Variants in PPARGC1A observed in about 807,000 individuals in gnomAD.
PPARGC1A encodes peroxisome proliferator-activated receptor gamma coactivator 1-alpha.
PPARGC1A carries 25 observed loss-of-function variants against 88.7 expected under a neutral mutation model. That is an observed-to-expected ratio of 0.28 (90% confidence interval 0.21 to 0.39). The LOEUF is 0.39. PPARGC1A is among the 10% of genes least tolerant of loss of function. The probability of loss-of-function intolerance (pLI) is 1.00; values close to 1 mark genes in which losing one functional copy is unlikely to be tolerated. For synonymous variants in PPARGC1A, 363 were observed against 355.6 expected (o/e 1.02, Z -0.24); for missense variants, 880 against 968.7 (o/e 0.91, Z 1.22).
At chr4:24,433,056 T>C in the PPARGC1A span, among the ~76,000 whole-genome samples, 1 of 152,234 alleles carries the variant, frequency 6.6e-6, no homozygotes, top group Non-Finnish European at 1.5e-5. Flanking sequence ...CCGACTCTAA[T>C]GCCTTAGAGA....
At chr4:24,095,113 G>A in the PPARGC1A span, among the ~76,000 whole-genome samples, 2 of 118,068 alleles carry the variant, frequency 1.7e-5, no homozygotes, top group South Asian at 5.2e-4. Flanking sequence ...TAGAAATAGG[G>A]TCTTTTTTTT....
chr4:24,008,124 C>T, the PPARGC1A span, among the ~76,000 whole-genome samples: 33 of 152,120 alleles, frequency 2.2e-4, no homozygotes, highest in African/African-American at 7.7e-4. Flanking sequence ...GAGAACACAG[C>T]CCACACGGTC....
chr4:23,859,034 TATAA>T (rs1730724905), intron 2 of PPARGC1A, among the ~76,000 whole-genome samples: 1 of 150,802 alleles, frequency 6.6e-6, no homozygotes, highest in African/African-American at 2.4e-5. Context: ...TAAATAAGTT[TATAA>T]ATATAAATTA....
the PPARGC1A span, among the ~76,000 whole-genome samples, chr4:24,126,748 C>G: frequency 6.6e-6 from 1 of 152,176 alleles, no homozygotes; most frequent in Non-Finnish European, 1.5e-5. Flanking sequence ...TTCCCAAGGG[C>G]GGCATGCTAG....
At chr4:24,349,348 G>A in the PPARGC1A span, among the ~76,000 whole-genome samples, 953 of 152,268 alleles carry the variant, frequency 6.3e-3, 19 homozygotes, top group African/African-American at 0.021. Flanking sequence ...AGCAGTGGGC[G>A]GGGCCCTAGA....
chr4:23,945,088 A>G, the PPARGC1A span, among the ~76,000 whole-genome samples: 1 of 152,144 alleles, frequency 6.6e-6, no homozygotes, highest in African/African-American at 2.4e-5. Flanking sequence ...AGCCCATAGA[A>G]TAGTGCCAGG....
the PPARGC1A span, among the ~76,000 whole-genome samples, chr4:24,031,627 T>C: frequency 6.6e-6 from 1 of 152,178 alleles, no homozygotes; most frequent in East Asian, 1.9e-4. Context: ...TTCTTCGTTG[T>C]CTGTCCTACA....
At chr4:24,001,504 T>C in the PPARGC1A span, among the ~76,000 whole-genome samples, 2 of 152,262 alleles carry the variant, frequency 1.3e-5, no homozygotes, top group Admixed American at 6.5e-5. Context: ...TGTAAAAACA[T>C]AGCAACAATT....
At chr4:24,180,054 T>C in the PPARGC1A span, among the ~76,000 whole-genome samples, 1 of 152,176 alleles carries the variant, frequency 6.6e-6, no homozygotes, top group Admixed American at 6.6e-5. Flanking sequence ...AACTTCTTCC[T>C]GCAATGAATG....
the PPARGC1A span, among the ~76,000 whole-genome samples, chr4:24,223,797 A>C: frequency 6.6e-6 from 1 of 152,246 alleles, no homozygotes; most frequent in Admixed American, 6.5e-5. Context: ...TATATAATTT[A>C]GGGCTAAAGT....
At chr4:23,861,682 A>T (rs928896922) in intron 2 of PPARGC1A, among the ~76,000 whole-genome samples, 1 of 152,226 alleles carries the variant, frequency 6.6e-6, no homozygotes, top group Admixed American at 6.5e-5. Flanking sequence ...AAACAAAAAA[A>T]AGGCAAAATA....
the PPARGC1A span, among the ~76,000 whole-genome samples, chr4:24,135,974 C>A: frequency 6.6e-6 from 1 of 152,148 alleles, no homozygotes. Context: ...ATGACTCGAT[C>A]CAGGAGGGGA....
At chr4:23,836,353 G>A (rs889446737) in intron 2 of PPARGC1A, among the ~76,000 whole-genome samples, 5 of 152,138 alleles carry the variant, frequency 3.3e-5, no homozygotes, top group African/African-American at 1.2e-4. Flanking sequence ...GTCAACCTTG[G>A]GTTCTCCTTA....
chr4:23,897,816 A>G (rs1050875412), intron 1 of PPARGC1A, among the ~76,000 whole-genome samples: 13 of 152,220 alleles, frequency 8.5e-5, no homozygotes, highest in Admixed American at 7.9e-4. Context: ...CATTTCTTAC[A>G]AAGCTCAGGT....
At chr4:23,932,766 G>A in the PPARGC1A span, among the ~76,000 whole-genome samples, 1 of 152,108 alleles carries the variant, frequency 6.6e-6, no homozygotes, top group African/African-American at 2.4e-5. Context: ...GTTGGAAGGA[G>A]GAAAGCAAGA....
At chr4:24,326,452 G>A in the PPARGC1A span, among the ~76,000 whole-genome samples, 4 of 151,938 alleles carry the variant, frequency 2.6e-5, no homozygotes, top group South Asian at 2.1e-4. Context: ...ATTCTGTTCT[G>A]GATCTCAAAC....
chr4:24,254,168 A>G, the PPARGC1A span, among the ~76,000 whole-genome samples: 1 of 152,206 alleles, frequency 6.6e-6, no homozygotes, highest in Admixed American at 6.5e-5. Flanking sequence ...CATTTACTGG[A>G]TGGTTACGAA....
the PPARGC1A span, among the ~76,000 whole-genome samples, chr4:24,123,007 T>C: frequency 6.6e-6 from 1 of 151,972 alleles, no homozygotes; most frequent in Non-Finnish European, 1.5e-5. Context: ...GCTAAAGTTC[T>C]GTTGAGTGTG....
chr4:24,270,333 C>CTGTG, the PPARGC1A span, among the ~76,000 whole-genome samples: 28 of 149,086 alleles, frequency 1.9e-4, no homozygotes, highest in South Asian at 8.6e-4. Context: ...CTCTCTCTCT[C>CTGTG]TGTGTGTGTG....
Sources: allele counts gnomAD v4.1 joint callset (sites outside exome capture counted in the v4.1 genomes callset), GRCh38; gene constraint gnomAD v4.1.1; transcripts MANE v1.5; gene names NCBI Gene and HGNC (gene_info 2026-07-23, HGNC 2026-07-21).